The following HECW2 variants were observed in gnomAD, a reference collection of about 807,000 sequenced individuals.
The protein encoded by HECW2 is E3 ubiquitin-protein ligase HECW2.
In HECW2, 61 loss-of-function variants were observed where a neutral mutation model predicts 175.2. The observed-to-expected ratio is 0.35, with a 90% CI of 0.28 to 0.43. The LOEUF (loss-of-function observed/expected upper bound fraction) is 0.43, where lower values mean the gene tolerates loss of function less well. Ranked by LOEUF, HECW2 falls within the 20% of genes least tolerant of loss-of-function variation. HECW2 has a pLI of 1.00. For synonymous variants in HECW2, 671 were observed against 731.0 expected (o/e 0.92, Z 1.32); for missense variants, 1,524 against 2,000.5 (o/e 0.76, Z 4.54).
At chr2:196,264,751 T>C (rs149467697) in intron 17 of HECW2, among the ~76,000 whole-genome samples, 76 of 152,336 alleles carry the variant, frequency 5.0e-4, no homozygotes, top group African/African-American at 1.6e-3. Context: ...AAATTAGATA[T>C]ATACGTGATA....
chr2:196,517,484 T>C (rs1002010668), intron 1 of HECW2, among the ~76,000 whole-genome samples: 19 of 151,804 alleles, frequency 1.3e-4, no homozygotes, highest in Admixed American at 1.2e-3. Flanking sequence ...ATAAAGTCTG[T>C]ATTTAATGAT....
chr2:196,201,603 A>T (rs534493580), intron 28 of HECW2, among the ~76,000 whole-genome samples: 2 of 152,302 alleles, frequency 1.3e-5, no homozygotes, highest in Non-Finnish European at 2.9e-5. Context: ...GAGGATATTT[A>T]AAAAAATATT....
At chr2:196,286,464 C>T (rs900185183) in intron 14 of HECW2, among the ~76,000 whole-genome samples, 2 of 148,826 alleles carry the variant, frequency 1.3e-5, no homozygotes, top group African/African-American at 5.0e-5. Context: ...CATCTCTGTA[C>T]TTAGGCAATT....
At chr2:196,380,896 T>C (rs541758909) in intron 2 of HECW2, among the ~76,000 whole-genome samples, 1 of 152,334 alleles carries the variant, frequency 6.6e-6, no homozygotes, top group South Asian at 2.1e-4. Flanking sequence ...ATGCTCCTCA[T>C]GTACTTGAAA....
chr2:196,502,163 T>C (rs1687596982), intron 1 of HECW2, among the ~76,000 whole-genome samples: 1 of 152,362 alleles, frequency 6.6e-6, no homozygotes, highest in Admixed American at 6.5e-5. Context: ...CTCATTTTGC[T>C]GAAAACATAC....
chr2:196,372,727 G>A (rs1339783321), intron 2 of HECW2, among the ~76,000 whole-genome samples: 2 of 152,126 alleles, frequency 1.3e-5, no homozygotes, highest in African/African-American at 4.8e-5. Flanking sequence ...CTTATAAGTT[G>A]CACACTAAAT....
chr2:196,539,837 TA>T (rs959062298), intron 1 of HECW2, among the ~76,000 whole-genome samples: 1 of 152,154 alleles, frequency 6.6e-6, no homozygotes, highest in African/African-American at 2.4e-5. Flanking sequence ...TTAAAAAATA[TA>T]AAGTGAAGAG....
intron 2 of HECW2, among the ~76,000 whole-genome samples, chr2:196,359,978 C>G (rs10206594): frequency 0.21 from 31,236 of 152,042 alleles, 3,559 homozygotes; most frequent in Middle Eastern, 0.34. Flanking sequence ...GTGTCACACA[C>G]CTGCAGTTCT....
Position 196,587,169 on chromosome 2 carries a change from A to C in HECW2, c.-36+6339T>G, listed in dbSNP as rs1691013070. On this transcript the variant is annotated intron_variant, in intron 1 of 28. Transcript: ENST00000644978. ...AGCCATATAATACATTAATTTTATA[A>C]AGGAAAGCATTATTGTGTGCCTGTC... is the stretch of plus-strand genomic sequence containing the variant. Among the ~76,000 whole-genome samples, 3 of 152,222 alleles carry C rather than the reference A, an allele frequency of 2.0e-5. No homozygotes were observed. The South Asian group carries it at 6.2e-4, about 32-fold the overall frequency.
At chr2:196,321,268 G>A (rs1335180871) in intron 7 of HECW2, among the ~76,000 whole-genome samples, 1 of 152,202 alleles carries the variant, frequency 6.6e-6, no homozygotes, top group Non-Finnish European at 1.5e-5. Flanking sequence ...TCTGCCTCCT[G>A]AAGGATGGAG....
rs201658582 is a variant in HECW2 at position 196,286,387 on chromosome 2, C to CATATATATATATATATATATATATATAT, written c.3000+6177_3000+6178insATATATATATATATATATATATATATAT. Among the ~76,000 whole-genome samples, 1,254 of 137,014 alleles carry CATATATATATATATATATATATATATAT rather than the reference C, an allele frequency of 9.2e-3. 32 individuals are homozygous for CATATATATATATATATATATATATATAT. The highest frequency in any genetic ancestry group is 0.02 in the Middle Eastern group (5 of 250). The allele number at this position is 137,014 out of a possible 152,430, so 89.9% of individuals were successfully genotyped here. On this transcript the variant is annotated intron_variant, in intron 14 of 28. Transcript: ENST00000644978. ...TATATATATATTTTAAGATGGAGGT[C>CATATATATATATATATATATATATATAT]ATATATATATATATTTAAATCCATG...
chr2:196,467,286 T>C (rs16851944), intron 1 of HECW2, among the ~76,000 whole-genome samples: 6,390 of 152,272 alleles, frequency 0.042, 440 homozygotes, highest in African/African-American at 0.14. Flanking sequence ...TTGCACCTTA[T>C]AAATATTTCT....
At chr2:196,459,678 C>G (rs1228210035) in intron 1 of HECW2, among the ~76,000 whole-genome samples, 5 of 152,266 alleles carry the variant, frequency 3.3e-5, no homozygotes, top group Admixed American at 2.0e-4. Flanking sequence ...CCTCCTGAAA[C>G]CGCCCCTCCT....
intron 3 of HECW2, among the ~76,000 whole-genome samples, chr2:196,340,225 T>C (rs1476316855): frequency 6.6e-6 from 1 of 152,208 alleles, no homozygotes; most frequent in East Asian, 1.9e-4. Flanking sequence ...AAAAGTTCCA[T>C]GCAATCAGCT....
chr2:196,522,457 T>A (rs1272976472), intron 1 of HECW2, among the ~76,000 whole-genome samples: 2 of 152,192 alleles, frequency 1.3e-5, no homozygotes, highest in African/African-American at 2.4e-5. Context: ...TAGTTTCTTT[T>A]GCTGTGCAGA....
At chr2:196,446,131 C>T (rs939835544) in intron 1 of HECW2, among the ~76,000 whole-genome samples, 2 of 152,192 alleles carry the variant, frequency 1.3e-5, no homozygotes, top group Non-Finnish European at 2.9e-5. Context: ...TTTGCTACTA[C>T]CTTCCATGTT....
chr2:196,590,821 A>G (rs1691164011), intron 1 of HECW2, among the ~76,000 whole-genome samples: 1 of 152,238 alleles, frequency 6.6e-6, no homozygotes, highest in Non-Finnish European at 1.5e-5. Context: ...AAGCCTTTTA[A>G]AAGAGTAAGA....
At chr2:196,398,230 T>C (rs1694725487) in intron 2 of HECW2, among the ~76,000 whole-genome samples, 1 of 152,120 alleles carries the variant, frequency 6.6e-6, no homozygotes, top group African/African-American at 2.4e-5. Context: ...GAAAGACTCA[T>C]AATTTGATCA....
intron 1 of HECW2, among the ~76,000 whole-genome samples, chr2:196,530,350 C>T (rs1688800773): frequency 6.6e-6 from 1 of 152,176 alleles, no homozygotes; most frequent in Non-Finnish European, 1.5e-5. Context: ...AAAATAATTT[C>T]TACCAAACTC....
Sources: gnomAD v4.1 joint callset for allele counts (sites outside exome capture counted in the v4.1 genomes callset) on GRCh38, gnomAD v4.1.1 for gene constraint, MANE v1.5 for transcripts, NCBI Gene and HGNC (gene_info 2026-07-23, HGNC 2026-07-21) for gene names.